The following CAMK4 variants were observed in gnomAD, a reference collection of about 807,000 sequenced individuals.
CAMK4 encodes the protein calcium/calmodulin-dependent protein kinase type IV.
Under a neutral mutation model 44.9 loss-of-function variants are expected in CAMK4, and 22 were observed. The observed-to-expected ratio is 0.49, with a 90% CI of 0.35 to 0.70. The LOEUF (loss-of-function observed/expected upper bound fraction) is 0.70. CAMK4 is among the 30% of genes least tolerant of loss of function. The pLI is 0.01. For synonymous variants in CAMK4, 218 were observed against 215.4 expected (o/e 1.01, Z -0.11); for missense variants, 498 against 586.8 (o/e 0.85, Z 1.56).
Position 111,484,460 on chromosome 5 carries a change from G to A in CAMK4, c.1416G>A (p.Glu472=). Residue 472 remains glutamate, a synonymous_variant, in exon 11 of 11, where the codon GAG becomes GAA. Coordinates refer to ENST00000282356, the MANE Select transcript of CAMK4 (RefSeq NM_001744.6). The surrounding 1 kb of genome is among the most constrained non-coding windows in gnomAD (Gnocchi z 5.3). ...EVPQQDVILP[E]Y is the part of the protein sequence containing the mutation. ...CACAGCAAGATGTGATCCTGCCAGA[G>A]TACTAAACAGCTTCCTTCAGATCTG... 6.6e-7 allele frequency: 1 copy of A among 1,504,106 alleles called. No homozygotes were observed. The allele number at this position is 1,504,106 out of a possible 1,614,324, so 93.2% of individuals were successfully genotyped here. A position where few individuals can be genotyped will look rare whatever the true frequency, so the allele number is the denominator to read the frequency against.
chr5:111,437,094 T>A (rs1753672458), intron 5 of CAMK4, among the ~76,000 whole-genome samples: 1 of 152,232 alleles, frequency 6.6e-6, no homozygotes, highest in Non-Finnish European at 1.5e-5. Flanking sequence ...ATCTCACTAA[T>A]ACTCAATAAG....
At chr5:111,476,569 G>GCATGGCC (rs1755253145) in intron 8 of CAMK4, among the ~76,000 whole-genome samples, 1 of 151,724 alleles carries the variant, frequency 6.6e-6, no homozygotes, top group African/African-American at 2.4e-5. Context: ...GACCCACCGC[G>GCATGGCC]CATGGCCCAC....
chr5:111,311,224 G>GA (rs576135618), intron 1 of CAMK4, among the ~76,000 whole-genome samples: 2 of 151,820 alleles, frequency 1.3e-5, no homozygotes, highest in Non-Finnish European at 2.9e-5. Context: ...AAAGCAAAAA[G>GA]AAAAAAAATT....
intron 1 of CAMK4, among the ~76,000 whole-genome samples, chr5:111,314,542 A>G (rs1748339485): frequency 6.6e-6 from 1 of 152,130 alleles, no homozygotes; most frequent in Non-Finnish European, 1.5e-5. Context: ...AAAATACTTT[A>G]TAATCTTTTC....
intron 1 of CAMK4, among the ~76,000 whole-genome samples, chr5:111,279,915 T>C (rs1167515604): frequency 2.0e-5 from 3 of 152,208 alleles, no homozygotes; most frequent in African/African-American, 4.8e-5. Flanking sequence ...TAGTGGGTGG[T>C]AGGATCATTC....
At chr5:111,323,104 G>T (rs1253036563) in intron 1 of CAMK4, among the ~76,000 whole-genome samples, 1 of 151,996 alleles carries the variant, frequency 6.6e-6, no homozygotes, top group African/African-American at 2.4e-5. Flanking sequence ...TAAGAGGAAG[G>T]CATTTTCCAA....
chr5:111,369,105 G>T (rs1424024567), intron 2 of CAMK4, among the ~76,000 whole-genome samples: 2 of 151,156 alleles, frequency 1.3e-5, no homozygotes, highest in Non-Finnish European at 2.9e-5. Context: ...TCATTCTGTT[G>T]CCCAGGCTGG....
intron 2 of CAMK4, among the ~76,000 whole-genome samples, chr5:111,352,648 A>AGG (rs1285588768): frequency 3.6e-5 from 5 of 140,768 alleles, no homozygotes; most frequent in African/African-American, 1.3e-4. Flanking sequence ...AGAGAGAGAG[A>AGG]GAGAGAGAGA....
chr5:111,280,094 G>A (rs569406094), intron 1 of CAMK4, among the ~76,000 whole-genome samples: 2 of 152,306 alleles, frequency 1.3e-5, no homozygotes, highest in South Asian at 4.1e-4. Context: ...CAGTTTTCAT[G>A]AAAAGAACGT....
chr5:111,269,146 A>G (rs925423669), intron 1 of CAMK4, among the ~76,000 whole-genome samples: 5 of 152,234 alleles, frequency 3.3e-5, no homozygotes, highest in Non-Finnish European at 5.9e-5. Context: ...AAACATGCCC[A>G]TCATGTACGT....
chr5:111,396,628 A>ATTTTTT (rs1210775733), intron 5 of CAMK4, among the ~76,000 whole-genome samples: 43 of 41,268 alleles, frequency 1.0e-3, no homozygotes, highest in Non-Finnish European at 1.3e-3. Context: ...ATTAACTCAT[A>ATTTTTT]TTCTTTTTTT....
intron 1 of CAMK4, among the ~76,000 whole-genome samples, chr5:111,292,259 A>T (rs557208501): frequency 6.6e-6 from 1 of 152,328 alleles, no homozygotes; most frequent in African/African-American, 2.4e-5. Context: ...TTTCAGCAAC[A>T]TTCTATATTG....
At chr5:111,389,683 G>A (rs889626615) in intron 4 of CAMK4, among the ~76,000 whole-genome samples, 2 of 152,192 alleles carry the variant, frequency 1.3e-5, no homozygotes, top group African/African-American at 4.8e-5. Flanking sequence ...AATCCACACT[G>A]TTTGTTGTAG....
chr5:111,460,064 A>G (rs1296189191), intron 7 of CAMK4, among the ~76,000 whole-genome samples: 1 of 152,060 alleles, frequency 6.6e-6, no homozygotes, highest in Non-Finnish European at 1.5e-5. Flanking sequence ...GATTGATAGC[A>G]AGTGGGTAGA....
At chr5:111,227,100 A>C (rs539665269) in intron 1 of CAMK4, among the ~76,000 whole-genome samples, 1 of 152,340 alleles carries the variant, frequency 6.6e-6, no homozygotes, top group East Asian at 1.9e-4. Flanking sequence ...CGTGGGGTGC[A>C]TGCTTACTCT....
chr5:111,449,195 G>C lies in CAMK4; in HGVS notation c.617G>C (p.Gly206Ala), dbSNP rs2112977493. 6.8e-7 allele frequency: 1 copy of C among 1,476,654 alleles called. No homozygotes were observed. The highest frequency in any genetic ancestry group is 2.3e-5 in the East Asian group (1 of 43,816). The allele number at this position is 1,476,654 out of a possible 1,614,324, so 91.5% of individuals were successfully genotyped here. The change falls in exon 7 of 11, where the codon GGG becomes GCG. Residue 206 changes from glycine (G) to alanine (A), a missense_variant. By Grantham distance (60) the Gly-to-Ala change is moderately conservative. Transcript: ENST00000282356. The part of the protein sequence containing the change: ...VLMKTVCGTP[G>A]YCAPEILRGC... ...ATGAAGACAGTATGTGGAACCCCAG[G>C]GTACTGCGGTATGCTCTTTAATAAT...
intron 4 of CAMK4, among the ~76,000 whole-genome samples, chr5:111,379,851 CAT>C (rs1751349064): frequency 1.3e-5 from 2 of 152,070 alleles, no homozygotes; most frequent in South Asian, 2.1e-4. Context: ...AAAAATTAAA[CAT>C]AGTCAAAATC....
intron 4 of CAMK4, among the ~76,000 whole-genome samples, chr5:111,388,326 T>A (rs375796273): frequency 5.3e-5 from 8 of 152,212 alleles, no homozygotes; most frequent in African/African-American, 1.4e-4. Flanking sequence ...TAATGTTTTT[T>A]GTTTGTAACT....
intron 2 of CAMK4, among the ~76,000 whole-genome samples, chr5:111,368,749 C>T (rs191493228): frequency 6.6e-6 from 1 of 152,022 alleles, no homozygotes; most frequent in Non-Finnish European, 1.5e-5. Flanking sequence ...TTAGTTTACT[C>T]TCTTTGGATT....
Sources: allele counts gnomAD v4.1 joint callset (sites outside exome capture counted in the v4.1 genomes callset), GRCh38; gene constraint gnomAD v4.1.1; non-coding constraint Gnocchi (gnomAD v3.1); transcripts MANE v1.5; gene names NCBI Gene and HGNC (gene_info 2026-07-23, HGNC 2026-07-21).